The following TNR variants were observed in gnomAD, a reference collection of about 807,000 sequenced individuals.
The protein encoded by TNR is tenascin R, also known as tenascin-R.
Under a neutral mutation model 150.4 loss-of-function variants are expected in TNR, and 45 were observed. That is an observed-to-expected ratio of 0.30 (90% confidence interval 0.24 to 0.38). The LOEUF (loss-of-function observed/expected upper bound fraction) is 0.38, where lower values mean the gene tolerates loss of function less well. TNR is among the 10% of genes least tolerant of loss of function. The pLI is 1.00. For missense variants in TNR, 1,544 were observed against 1,759.1 expected, an observed-to-expected ratio of 0.88 and a Z score of 2.19; for synonymous variants, 687 against 678.4, an observed-to-expected ratio of 1.01 and a Z score of -0.20.
chr1:175,503,708 A>T (rs1273935391), intron 2 of TNR, among the ~76,000 whole-genome samples: 1 of 152,180 alleles, frequency 6.6e-6, no homozygotes, highest in African/African-American at 2.4e-5. Flanking sequence ...CCATTCACGG[A>T]GCCGTGGAAT....
intron 1 of TNR, among the ~76,000 whole-genome samples, chr1:175,650,406 A>C (rs900507474): frequency 6.6e-6 from 1 of 151,958 alleles, no homozygotes; most frequent in African/African-American, 2.4e-5. Context: ...ACAAACAAAG[A>C]AAAACTAGTT....
At chr1:175,702,311 G>T (rs1483374305) in intron 1 of TNR, among the ~76,000 whole-genome samples, 3 of 152,134 alleles carry the variant, frequency 2.0e-5, no homozygotes, top group Non-Finnish European at 4.4e-5. Flanking sequence ...CCTGCTCAGT[G>T]CCCCAAGCTA....
intron 1 of TNR, among the ~76,000 whole-genome samples, chr1:175,601,383 T>TG (rs371832933): frequency 5.9e-4 from 90 of 152,270 alleles, no homozygotes; most frequent in African/African-American, 2.1e-3. Context: ...TGCATGTCTT[T>TG]GGGGGACTTA....
At chr1:175,570,738 T>C (rs1254183655) in intron 1 of TNR, among the ~76,000 whole-genome samples, 1 of 152,108 alleles carries the variant, frequency 6.6e-6, no homozygotes, top group Non-Finnish European at 1.5e-5. Context: ...ACAGCACAAA[T>C]GACTCCTTTA....
At chr1:175,596,044 C>T (rs1490091464) in intron 1 of TNR, among the ~76,000 whole-genome samples, 1 of 152,140 alleles carries the variant, frequency 6.6e-6, no homozygotes, top group African/African-American at 2.4e-5. Flanking sequence ...AGAAAATCCA[C>T]TTTTAAAAGC....
At chr1:175,523,751 C>G (rs1659736924) in intron 2 of TNR, among the ~76,000 whole-genome samples, 2 of 152,180 alleles carry the variant, frequency 1.3e-5, no homozygotes, top group Admixed American at 1.3e-4. Context: ...CCTGAGTGAT[C>G]TTTCTAAAGG....
chr1:175,485,002 C>G (rs1363140759), intron 2 of TNR, among the ~76,000 whole-genome samples: 1 of 152,176 alleles, frequency 6.6e-6, no homozygotes, highest in Non-Finnish European at 1.5e-5. Context: ...CCTCAAGGCA[C>G]TCATAAAACT....
Position 175,406,239 on chromosome 1 carries a change from C to A in TNR, c.476G>T (p.Cys159Phe). The A allele has an allele frequency of 6.2e-7, 1 of 1,614,056 alleles. No individual in the cohort carries two copies. Among genetic ancestry groups the A allele is most frequent in the South Asian group, 1.1e-5 (1 of 91,050 alleles). Residue 159 changes from cysteine (C) to phenylalanine (F), a missense_variant, in exon 3 of 23, where the codon TGC becomes TTC. By Grantham distance (205) the Cys-to-Phe change is radical. Around this residue, in one of 2 missense-constraint regions of TNR, gnomAD observed 1,254 missense variants for 1,329.4 expected, o/e 0.94. Transcript: ENST00000367674. ...SVLRDQCNAN[C>F]CQESAATGQL... The stretch of plus-strand genomic sequence containing the variant: ...ACCTGTGGCAGCACTTTCTTGGCAG[C>A]AGTTGGCGTTGCACTGGTCTCGCAG...
intron 1 of TNR, among the ~76,000 whole-genome samples, chr1:175,696,039 T>C (rs985565390): frequency 6.6e-6 from 1 of 152,060 alleles, no homozygotes; most frequent in Non-Finnish European, 1.5e-5. Context: ...TTAGCCAATA[T>C]GTGCATAGGA....
At chr1:175,524,148 C>G (rs1415792806) in intron 2 of TNR, among the ~76,000 whole-genome samples, 1 of 152,176 alleles carries the variant, frequency 6.6e-6, no homozygotes, top group African/African-American at 2.4e-5. Context: ...CTCACTATCA[C>G]ACCGTAGTTA....
intron 2 of TNR, among the ~76,000 whole-genome samples, chr1:175,416,120 A>ATG (rs1654429342): frequency 7.2e-6 from 1 of 138,180 alleles, no homozygotes; most frequent in East Asian, 2.1e-4. Context: ...TGACAATTAT[A>ATG]TATATATATA....
chr1:175,491,425 C>G (rs1266778217), intron 2 of TNR, among the ~76,000 whole-genome samples: 1 of 152,092 alleles, frequency 6.6e-6, no homozygotes, highest in Non-Finnish European at 1.5e-5. Flanking sequence ...TTCTTCTTCT[C>G]TTCACAGAAT....
chr1:175,495,768 C>G (rs1658460160), intron 2 of TNR, among the ~76,000 whole-genome samples: 1 of 152,222 alleles, frequency 6.6e-6, no homozygotes, highest in South Asian at 2.1e-4. Context: ...GAGTGGTACT[C>G]ATGATATCAG....
chr1:175,403,670 G>A, intron 3 of TNR, 54 bp from the exon 4 acceptor site: 1 of 1,474,126 alleles, frequency 6.8e-7, no homozygotes, highest in African/African-American at 1.4e-5. Context: ...CCTGTCAATG[G>A]TGCTGGGGAA....
chr1:175,446,112 A>G lies in TNR; in HGVS notation c.-63-39335T>C, dbSNP rs150077812. On this transcript the variant is annotated intron_variant, in intron 2 of 22. Coordinates refer to ENST00000367674, the MANE Select transcript of TNR (RefSeq NM_003285.3). ...TGCCCCTCCTGCTCCTCAGTGCAGG[A>G]TTTTCTGATTCCGAGAGGAGGGTTT... Among the ~76,000 whole-genome samples, 75 of 152,096 alleles carry G rather than the reference A, an allele frequency of 4.9e-4. 1 individual carries two copies. Among genetic ancestry groups the G allele is most frequent in the African/African-American group, 1.8e-3 (73 of 41,460 alleles).
chr1:175,724,010 G>A, intron 1 of TNR, among the ~76,000 whole-genome samples: 1 of 151,850 alleles, frequency 6.6e-6, no homozygotes, highest in East Asian at 1.9e-4. Context: ...ATTGATATTG[G>A]ATATATAAAC....
chr1:175,436,969 C>G (rs1029169967), intron 2 of TNR, among the ~76,000 whole-genome samples: 11 of 152,060 alleles, frequency 7.2e-5, no homozygotes, highest in African/African-American at 2.4e-4. Flanking sequence ...TTAGACAGAT[C>G]AACGAGAAAG....
intron 2 of TNR, among the ~76,000 whole-genome samples, chr1:175,522,279 T>C (rs1448581674): frequency 2.6e-5 from 4 of 152,206 alleles, no homozygotes; most frequent in African/African-American, 4.8e-5. Flanking sequence ...CCACAGTAGA[T>C]AGGGCTAACT....
chr1:175,353,933 C>T (rs1302689587), intron 18 of TNR, among the ~76,000 whole-genome samples: 2 of 151,806 alleles, frequency 1.3e-5, no homozygotes, highest in African/African-American at 4.9e-5. Context: ...GCAACCTCTG[C>T]TTCCTAGGTT....
Sources: allele counts gnomAD v4.1 joint callset (sites outside exome capture counted in the v4.1 genomes callset), GRCh38; gene constraint gnomAD v4.1.1; regional missense constraint gnomAD v4.1.1; transcripts MANE v1.5; gene names NCBI Gene and HGNC (gene_info 2026-07-23, HGNC 2026-07-21).